The following PCSK6 variants were observed in gnomAD, a reference collection of about 807,000 sequenced individuals.
The protein encoded by PCSK6 is proprotein convertase subtilisin/kexin type 6, also known as paired basic amino acid cleaving enzyme 4.
Under a neutral mutation model 123.3 loss-of-function variants are expected in PCSK6, and 85 were observed. The ratio of observed to expected loss-of-function variants is 0.69; its 90% CI spans 0.58 to 0.83. PCSK6 has a LOEUF of 0.83. Ranked by LOEUF, PCSK6 falls within the 40% of genes least tolerant of loss-of-function variation. The pLI is 0.00. For synonymous variants in PCSK6, 508 were observed against 516.0 expected (o/e 0.98, Z 0.21); for missense variants, 1,191 against 1,282.3 (o/e 0.93, Z 1.09).
In PCSK6 at chr15:101,398,322, C is replaced by G. The variant is rs1054952134; in HGVS notation, c.996+82G>C. 6.8e-7 allele frequency: 1 copy of G among 1,474,114 alleles called. No homozygotes were observed. The highest frequency in any genetic ancestry group is 1.9e-5 in the Admixed American group (1 of 51,724). The allele number at this position is 1,474,114 out of a possible 1,614,324, so 91.3% of individuals were successfully genotyped here. A position where few individuals can be genotyped will look rare whatever the true frequency, so the allele number is the denominator to read the frequency against. On this transcript the variant is annotated intron_variant, in intron 7 of 21. Coordinates refer to ENST00000611716, the MANE Select transcript of PCSK6 (RefSeq NM_002570.5). This position sits in a 1 kb window ranked among gnomAD's most constrained non-coding sequence, Gnocchi z 4.6. The stretch of plus-strand genomic sequence containing the variant: ...TCCCTGTCTTGTTTCAGGGCTGTGG[C>G]CAGTGTCACTCTGATACTTGTTAAA...
intron 6 of PCSK6, among the ~76,000 whole-genome samples, chr15:101,410,398 G>A (rs2042911495): frequency 6.6e-6 from 1 of 152,214 alleles, no homozygotes; most frequent in African/African-American, 2.4e-5. Context: ...GCATTAGAGA[G>A]AGAGAGAAGG....
chr15:101,314,120 C>T (rs997372693), intron 19 of PCSK6, among the ~76,000 whole-genome samples: 1 of 152,158 alleles, frequency 6.6e-6, no homozygotes, highest in Non-Finnish European at 1.5e-5. Context: ...TTGGTGTGTA[C>T]AGCCAGGGCG....
chr15:101,461,604 T>C (rs1356069936), intron 1 of PCSK6, among the ~76,000 whole-genome samples: 2 of 152,026 alleles, frequency 1.3e-5, no homozygotes, highest in Non-Finnish European at 2.9e-5. Flanking sequence ...ACTAAAATAT[T>C]AGAAAGCCAA....
intron 3 of PCSK6, 106 bp downstream of exon 3, chr15:101,431,884 G>A (rs577015859): frequency 1.9e-4 from 156 of 808,870 alleles, no homozygotes; most frequent in Non-Finnish European, 2.8e-4. Flanking sequence ...AAGTGTGTCT[G>A]TCTGGAGATG....
rs961896355 is a variant in PCSK6, at chr15:101,304,384, G to A, written c.*874C>T. The A allele has an allele frequency of 2.6e-5, 4 of 152,338 alleles. No homozygotes were observed. Among genetic ancestry groups the A allele is most frequent in the African/African-American group, 9.6e-5 (4 of 41,456 alleles). 9.4% of individuals were successfully genotyped at this position (152,338 alleles called of 1,614,324 possible). A position where few individuals can be genotyped will look rare whatever the true frequency, so the allele number is the denominator to read the frequency against. On this transcript the variant is annotated 3_prime_UTR_variant, in exon 22 of 22. Transcript: ENST00000611716. The stretch of plus-strand genomic sequence containing the variant: ...ATTTTAAAAGCAATTCCATAAAATG[G>A]GAAGTGATGGATGATTAACAATGCA...
intron 13 of PCSK6, among the ~76,000 whole-genome samples, chr15:101,350,816 C>T (rs1043032728): frequency 2.0e-5 from 3 of 152,180 alleles, no homozygotes; most frequent in Non-Finnish European, 4.4e-5. Context: ...GAAAGACAAC[C>T]CTCTACCCGT....
chr15:101,362,754 T>G (rs941139263), intron 13 of PCSK6, among the ~76,000 whole-genome samples: 3 of 152,194 alleles, frequency 2.0e-5, no homozygotes, highest in Non-Finnish European at 4.4e-5. Flanking sequence ...CTAGAAAAGC[T>G]AAGTGACTTG....
At chr15:101,385,581 T>G (rs1422711865) in intron 9 of PCSK6, among the ~76,000 whole-genome samples, 1 of 152,250 alleles carries the variant, frequency 6.6e-6, no homozygotes, top group Non-Finnish European at 1.5e-5. Flanking sequence ...CATAAAAAGG[T>G]GCATCTTACA....
intron 6 of PCSK6, among the ~76,000 whole-genome samples, chr15:101,423,380 C>A (rs977981165): frequency 6.6e-6 from 1 of 151,912 alleles, no homozygotes. Context: ...CTTGCCTCAG[C>A]CTCCTGAGTA....
At chr15:101,420,501 C>T (rs1168221142) in intron 6 of PCSK6, among the ~76,000 whole-genome samples, 9 of 152,160 alleles carry the variant, frequency 5.9e-5, no homozygotes, top group African/African-American at 1.9e-4. Flanking sequence ...GCTGGGACTA[C>T]AAGCACATGC....
intron 20 of PCSK6, among the ~76,000 whole-genome samples, chr15:101,309,334 C>T (rs1242946766): frequency 2.6e-5 from 4 of 152,194 alleles, no homozygotes; most frequent in African/African-American, 9.7e-5. Flanking sequence ...CCTGGGAGAC[C>T]CTGTGTAGCT....
At chr15:101,472,459 A>T (rs1416179263) in intron 1 of PCSK6, among the ~76,000 whole-genome samples, 2 of 152,228 alleles carry the variant, frequency 1.3e-5, no homozygotes, top group Admixed American at 6.5e-5. Context: ...CGAGACTTGC[A>T]ATCTAATTCA....
Position 101,393,163 on chromosome 15 carries a change from A to G in PCSK6, c.1209+49T>C, listed in dbSNP as rs778501084. 2.9e-6 allele frequency: 4 copies of G among 1,387,464 alleles called. No homozygotes were observed. The Admixed American group carries it at 5.6e-5, about 19-fold the overall frequency. 85.9% of individuals were successfully genotyped at this position (1,387,464 alleles called of 1,614,324 possible). On this transcript the variant is annotated intron_variant, in intron 8 of 21. Transcript: ENST00000611716. ...AAAGGGAGAAGAAACTCATTCCCAGAGGGCTGAGGCACTCACTGTAAGCAC... is the reference window on the plus strand; with the variant it reads ...AAAGGGAGAAGAAACTCATTCCCAGGGGGCTGAGGCACTCACTGTAAGCAC...
chr15:101,471,431 C>A (rs2057602005), intron 1 of PCSK6, among the ~76,000 whole-genome samples: 1 of 152,216 alleles, frequency 6.6e-6, no homozygotes. Context: ...GGCAGACATC[C>A]ATATGCCCAT....
Position 101,305,518 on chromosome 15 carries a change from A to C in PCSK6, c.2813-163T>G. 1 of 586,660 alleles carries C rather than the reference A, an allele frequency of 1.7e-6. No homozygotes were observed. The highest frequency in any genetic ancestry group is 3.1e-6 in the Non-Finnish European group (1 of 323,332). 36.3% of individuals were successfully genotyped at this position (586,660 alleles called of 1,614,324 possible). On this transcript the variant is annotated intron_variant, in intron 21 of 21. Coordinates refer to ENST00000611716, the MANE Select transcript of PCSK6 (RefSeq NM_002570.5). The surrounding 1 kb of genome is among the most constrained non-coding windows in gnomAD (Gnocchi z 4.8). ...AGGTCAGGAGCTTGAGACCAGTCTAACCAACATGGTGAAACCCCGTCTCTA... is the reference window on the plus strand; with the variant it reads ...AGGTCAGGAGCTTGAGACCAGTCTACCCAACATGGTGAAACCCCGTCTCTA...
chr15:101,376,067 T>C (rs1374666895), intron 11 of PCSK6, among the ~76,000 whole-genome samples: 1 of 152,116 alleles, frequency 6.6e-6, no homozygotes, highest in African/African-American at 2.4e-5. Flanking sequence ...ACAGTGTATT[T>C]AGTGCCACAT....
At chr15:101,421,009 C>T (rs576200392) in intron 6 of PCSK6, among the ~76,000 whole-genome samples, 4 of 152,180 alleles carry the variant, frequency 2.6e-5, no homozygotes, top group African/African-American at 2.4e-5. Context: ...TGCAGTGGCA[C>T]GATCTTGGCT....
intron 6 of PCSK6, among the ~76,000 whole-genome samples, chr15:101,403,586 C>T (rs2042675577): frequency 6.6e-6 from 1 of 152,096 alleles, no homozygotes. Context: ...ACCCATGAAC[C>T]CTGCAGCCCA....
chr15:101,366,068 G>A lies in PCSK6; in HGVS notation c.1858+128C>T, dbSNP rs540166881. On this transcript the variant is annotated intron_variant, in intron 13 of 21. Coordinates refer to ENST00000611716, the MANE Select transcript of PCSK6 (RefSeq NM_002570.5). ...AAATAATTAAAATGGTGAATTTTCT[G>A]TTATGGGAATTCTACCTCTAAAACA... 1.5e-3 allele frequency: 1,505 copies of A among 1,001,468 alleles called. 3 individuals are homozygous for A. The highest frequency in any genetic ancestry group is 1.9e-3 in the Non-Finnish European group (1,330 of 706,112). The allele number at this position is 1,001,468 out of a possible 1,614,324, so 62.0% of individuals were successfully genotyped here.
Sources: allele counts gnomAD v4.1 joint callset (sites outside exome capture counted in the v4.1 genomes callset), GRCh38; gene constraint gnomAD v4.1.1; non-coding constraint Gnocchi (gnomAD v3.1); transcripts MANE v1.5; gene names NCBI Gene and HGNC (gene_info 2026-07-23, HGNC 2026-07-21).